SLC25A48: variants seen among roughly 807,000 people sequenced by gnomAD.
SLC25A48 encodes solute carrier family 25 member 48.
SLC25A48 carries 29 observed loss-of-function variants against 32.2 expected under a neutral mutation model. The ratio of observed to expected loss-of-function variants is 0.90; its 90% CI spans 0.67 to 1.23. SLC25A48 has a LOEUF of 1.23. Ranked by LOEUF, SLC25A48 falls within the 50% of genes most tolerant of loss-of-function variation. The probability of loss-of-function intolerance (pLI) is 0.00; values close to 1 mark genes in which losing one functional copy is unlikely to be tolerated. For missense variants in SLC25A48, 399 were observed against 422.7 expected (o/e 0.94, Z 0.49); for synonymous variants, 164 against 172.3 (o/e 0.95, Z 0.38).
intron 3 of SLC25A48, among the ~76,000 whole-genome samples, chr5:135,783,253 T>C (rs1201069771): frequency 8.4e-6 from 1 of 118,978 alleles, no homozygotes; most frequent in Non-Finnish European, 2.1e-5. Flanking sequence ...GGCATACATA[T>C]CCACTGTGGT....
At chr5:135,586,521 C>A (rs1419078495) in intron 1 of SLC25A48, among the ~76,000 whole-genome samples, 2 of 113,578 alleles carry the variant, frequency 1.8e-5, no homozygotes, top group Non-Finnish European at 3.8e-5. Context: ...CTGCAGTGAT[C>A]TCAGACACAG....
intron 3 of SLC25A48, among the ~76,000 whole-genome samples, chr5:135,765,485 G>A (rs575793572): frequency 6.6e-6 from 1 of 151,538 alleles, no homozygotes; most frequent in South Asian, 2.1e-4. Flanking sequence ...GAAATTGTTG[G>A]TAATATCCAG....
At chr5:135,850,356 G>T in intron 2 of SLC25A48, 69 bp from the exon 3 acceptor site, 1 of 1,505,346 alleles carries the variant, frequency 6.6e-7, no homozygotes, top group Non-Finnish European at 9.2e-7. Context: ...CTTTCCCTCT[G>T]GGCATCTCCG....
At chr5:135,660,895 A>G (rs1753380082) in intron 3 of SLC25A48, among the ~76,000 whole-genome samples, 1 of 152,234 alleles carries the variant, frequency 6.6e-6, no homozygotes, top group Admixed American at 6.5e-5. Flanking sequence ...GAACAGTGCC[A>G]GGCCAGAGTA....
intron 3 of SLC25A48, among the ~76,000 whole-genome samples, chr5:135,643,922 C>T (rs1280727158): frequency 2.0e-5 from 3 of 152,166 alleles, no homozygotes; most frequent in African/African-American, 7.2e-5. Flanking sequence ...AGCTAAGTAA[C>T]TTGACCAAGG....
intron 2 of SLC25A48, among the ~76,000 whole-genome samples, chr5:135,634,018 A>C (rs1752640623): frequency 6.6e-6 from 1 of 152,194 alleles, no homozygotes; most frequent in Non-Finnish European, 1.5e-5. Context: ...CTAAATTAGA[A>C]TTGGGCAAGG....
rs761720078 is a variant in SLC25A48 at position 135,880,039 on chromosome 5, C to T, written c.885C>T (p.Tyr295=). Residue 295 remains tyrosine (Y), a synonymous_variant, in exon 7 of 8, where the codon TAC becomes TAT. Transcript: ENST00000681962. ...FPMSAAMFLG[Y]ELSLQAIRGD... is the part of the protein sequence containing the mutation. ...TGAGTGCGGCCATGTTCCTTGGGTA[C>T]GAGCTGTCGCTGCAGGCTATCCGCG... 45 of 1,536,088 alleles carry T rather than the reference C, an allele frequency of 2.9e-5. No homozygotes were observed. Among genetic ancestry groups the T allele is most frequent in the South Asian group, 1.2e-4 (10 of 84,064 alleles).
chr5:135,628,805 T>A (rs1156850337), intron 1 of SLC25A48, among the ~76,000 whole-genome samples: 1 of 152,088 alleles, frequency 6.6e-6, no homozygotes, highest in Non-Finnish European at 1.5e-5. Flanking sequence ...CTCCCTCCTA[T>A]TTTGGAGGGA....
intron 3 of SLC25A48, among the ~76,000 whole-genome samples, chr5:135,687,766 T>A (rs558594589): frequency 9.5e-4 from 145 of 152,302 alleles, no homozygotes; most frequent in South Asian, 1.2e-3. Context: ...TTACTAACAA[T>A]TCTTCTCCTC....
chr5:135,644,722 A>G (rs960998807), intron 3 of SLC25A48, among the ~76,000 whole-genome samples: 4 of 152,198 alleles, frequency 2.6e-5, no homozygotes, highest in African/African-American at 9.6e-5. Context: ...TGCACAACAC[A>G]TGGAACTTTT....
chr5:135,654,902 A>G (rs1056004493), intron 3 of SLC25A48, among the ~76,000 whole-genome samples: 1 of 152,222 alleles, frequency 6.6e-6, no homozygotes, highest in African/African-American at 2.4e-5. Context: ...GTGTATTCCT[A>G]GCAGTGCTGA....
At chr5:135,723,490 A>G (rs1319495903) in intron 3 of SLC25A48, among the ~76,000 whole-genome samples, 1 of 151,040 alleles carries the variant, frequency 6.6e-6, no homozygotes. Context: ...TTTTTTATTT[A>G]AAAAAGGCAC....
intron 3 of SLC25A48, among the ~76,000 whole-genome samples, chr5:135,798,172 C>T (rs1757234599): frequency 6.6e-6 from 1 of 151,798 alleles, no homozygotes; most frequent in Admixed American, 6.6e-5. Context: ...GGGCTGTACA[C>T]CTCTCCTGTC....
Position 135,780,539 on chromosome 5 carries a change from G to A in SLC25A48, c.-520-31984G>A, listed in dbSNP as rs1580871715. On this transcript the variant is annotated intron_variant, in intron 3 of 10. Coordinates refer to the SLC25A48 transcript ENST00000646290. ...TCCAAGGGGTGTACACCTCCCCTGT[G>A]ATATTGTTCCTAGTATCCAAAAGGA... Among the ~76,000 whole-genome samples the A allele has an allele frequency of 4.2e-5, 5 of 117,650 alleles. 1 individual carries two copies. Among genetic ancestry groups the A allele is most frequent in the Admixed American group, 8.7e-5 (1 of 11,520 alleles). 77.2% of individuals were successfully genotyped at this position (117,650 alleles called of 152,430 possible).
chr5:135,743,568 T>G (rs1236545259), intron 3 of SLC25A48, among the ~76,000 whole-genome samples: 2 of 152,186 alleles, frequency 1.3e-5, no homozygotes, highest in Admixed American at 1.3e-4. Context: ...TCAATGAAAC[T>G]ATCTCATTTC....
At chr5:135,805,754 A>C (rs1332897117) in intron 3 of SLC25A48, among the ~76,000 whole-genome samples, 1 of 151,204 alleles carries the variant, frequency 6.6e-6, no homozygotes, top group Non-Finnish European at 1.5e-5. Flanking sequence ...TATTTTAGGC[A>C]GATATTACTT....
intron 3 of SLC25A48, among the ~76,000 whole-genome samples, chr5:135,787,245 T>G (rs894769156): frequency 1.3e-5 from 2 of 152,084 alleles, no homozygotes; most frequent in Admixed American, 1.3e-4. Context: ...CGTAATATTT[T>G]AGGGGGATTT....
At chr5:135,637,812 A>G (rs1752739904) in intron 3 of SLC25A48, among the ~76,000 whole-genome samples, 1 of 152,200 alleles carries the variant, frequency 6.6e-6, no homozygotes, top group South Asian at 2.1e-4. Flanking sequence ...TAGGCAGGCC[A>G]CATAGACAAG....
intron 3 of SLC25A48, among the ~76,000 whole-genome samples, chr5:135,684,887 T>C (rs1005501189): frequency 6.6e-6 from 1 of 152,222 alleles, no homozygotes; most frequent in African/African-American, 2.4e-5. Flanking sequence ...AATTATATCC[T>C]GTTCTGCAGT....
Sources: allele counts gnomAD v4.1 joint callset (sites outside exome capture counted in the v4.1 genomes callset), GRCh38; gene constraint gnomAD v4.1.1; transcripts MANE v1.5; gene names NCBI Gene and HGNC (gene_info 2026-07-23, HGNC 2026-07-21).